SUGCT: variants seen among roughly 807,000 people sequenced by gnomAD.
SUGCT encodes succinyl-CoA:glutarate-CoA transferase.
SUGCT carries 41 observed loss-of-function variants against 55.0 expected under a neutral mutation model. That is an observed-to-expected ratio of 0.74 (90% CI 0.58 to 0.97). The LOEUF (loss-of-function observed/expected upper bound fraction) is 0.97, where lower values mean the gene tolerates loss of function less well. Ranked by LOEUF, SUGCT falls within the 50% of genes least tolerant of loss-of-function variation. SUGCT has a pLI of 0.00. For synonymous variants in SUGCT, 187 were observed against 200.4 expected (o/e 0.93, Z 0.56); for missense variants, 568 against 547.8 (o/e 1.04, Z -0.37).
intron 13 of SUGCT, among the ~76,000 whole-genome samples, chr7:40,786,993 A>AT (rs1790047301): frequency 6.6e-6 from 1 of 152,162 alleles, no homozygotes; most frequent in African/African-American, 2.4e-5. Flanking sequence ...TGTTTGATTC[A>AT]TTTTTTATTA....
intron 8 of SUGCT, among the ~76,000 whole-genome samples, chr7:40,277,718 AG>A (rs1309423919): frequency 3.1e-5 from 4 of 129,002 alleles, no homozygotes; most frequent in Non-Finnish European, 5.0e-5. Context: ...TTTAAGTTTT[AG>A]GGTACATGTG....
chr7:40,214,252 G>A (rs1272258162), intron 6 of SUGCT, among the ~76,000 whole-genome samples: 1 of 152,068 alleles, frequency 6.6e-6, no homozygotes, highest in Non-Finnish European at 1.5e-5. Context: ...ATTCAACAAT[G>A]AGCAAAACAA....
At chr7:40,607,426 C>T (rs1798582137) in intron 12 of SUGCT, among the ~76,000 whole-genome samples, 1 of 152,068 alleles carries the variant, frequency 6.6e-6, no homozygotes. Flanking sequence ...TACCTTGTGA[C>T]ATTGAAGACT....
the SUGCT span, among the ~76,000 whole-genome samples, chr7:41,005,862 G>A: frequency 6.6e-6 from 1 of 152,132 alleles, no homozygotes; most frequent in Non-Finnish European, 1.5e-5. Context: ...CCTCAACCTT[G>A]TGTAAGTACT....
In SUGCT at chr7:40,282,181, T is replaced by C. The variant is rs73318584; in HGVS notation, c.720+7525T>C. ...TGTGGCACCTTTGTCAAAGATCAAT[T>C]GACTGGCCAGGTGCAGTGGCTCATG... On this transcript the variant is annotated intron_variant, in intron 8 of 13. Transcript: ENST00000335693. 5.6e-3 allele frequency among the ~76,000 whole-genome samples: 850 copies of C among 152,060 alleles called. 7 individuals are homozygous for C. The highest frequency in any genetic ancestry group is 0.019 in the African/African-American group (796 of 41,508).
intron 12 of SUGCT, among the ~76,000 whole-genome samples, chr7:40,585,736 T>C (rs1797341983): frequency 6.6e-6 from 1 of 152,114 alleles, no homozygotes; most frequent in Non-Finnish European, 1.5e-5. Context: ...CTAGAGTGTA[T>C]TGGTGTGATT....
intron 9 of SUGCT, among the ~76,000 whole-genome samples, chr7:40,404,946 TATAGAATTAGC>T (rs1786279168): frequency 6.6e-6 from 1 of 152,208 alleles, no homozygotes; most frequent in Non-Finnish European, 1.5e-5. Context: ...CTGGTGTCTT[TATAGAATTAGC>T]TGGGCTTTAG....
chr7:40,746,705 T>G (rs1271378440), intron 12 of SUGCT, among the ~76,000 whole-genome samples: 1 of 152,228 alleles, frequency 6.6e-6, no homozygotes, highest in Non-Finnish European at 1.5e-5. Flanking sequence ...TGCTAGCTTT[T>G]GCTTCACAAA....
In SUGCT at chr7:40,211,608, T is replaced by C. The variant is rs145583690; in HGVS notation, c.484+16548T>C. On this transcript the variant is annotated intron_variant, in intron 6 of 13. Transcript: ENST00000335693. ...TATTACCACCTTGAGACCTGTAGTA[T>C]CTAAGACAACAAAAGCTAACGTGGA... Among the ~76,000 whole-genome samples, 612 of 152,320 alleles carry C rather than the reference T, an allele frequency of 4.0e-3. 6 individuals are homozygous for C. Among genetic ancestry groups the C allele is most frequent in the African/African-American group, 0.014 (593 of 41,562 alleles).
chr7:40,982,300 T>C, the SUGCT span, among the ~76,000 whole-genome samples: 48 of 152,352 alleles, frequency 3.2e-4, 1 homozygote, highest in African/African-American at 9.4e-4. Flanking sequence ...AATGCTGTAA[T>C]GCCAGGTGTC....
chr7:40,149,818 C>T (rs1788456406), intron 1 of SUGCT, among the ~76,000 whole-genome samples: 2 of 152,196 alleles, frequency 1.3e-5, no homozygotes. Flanking sequence ...GTTCAGGAGG[C>T]TGAGGCAGGA....
chr7:40,339,133 C>T (rs1350555138), intron 9 of SUGCT, among the ~76,000 whole-genome samples: 4 of 152,170 alleles, frequency 2.6e-5, no homozygotes, highest in Admixed American at 6.5e-5. Context: ...GGTACCCAGC[C>T]GTGTGAGGTG....
intron 12 of SUGCT, among the ~76,000 whole-genome samples, chr7:40,724,715 T>A (rs112281531): frequency 2.0e-5 from 3 of 149,712 alleles, no homozygotes; most frequent in African/African-American, 7.3e-5. Flanking sequence ...ATATATATTT[T>A]AAATATATGT....
At chr7:40,502,646 T>G (rs1195905677) in intron 12 of SUGCT, among the ~76,000 whole-genome samples, 3 of 152,144 alleles carry the variant, frequency 2.0e-5, no homozygotes, top group Non-Finnish European at 2.9e-5. Flanking sequence ...AAATCCATTG[T>G]GCATTTTATG....
intron 12 of SUGCT, among the ~76,000 whole-genome samples, chr7:40,682,730 C>G (rs780762846): frequency 2.6e-5 from 4 of 151,996 alleles, no homozygotes; most frequent in African/African-American, 9.7e-5. Flanking sequence ...CCTCCCCACC[C>G]CCCAAAAAAA....
intron 13 of SUGCT, among the ~76,000 whole-genome samples, chr7:40,854,449 T>TTTCTTTCTTTC (rs1794052551): frequency 6.8e-6 from 1 of 147,022 alleles, no homozygotes; most frequent in Non-Finnish European, 1.5e-5. Flanking sequence ...TCTTTCTTTC[T>TTTCTTTCTTTC]TTCTTTCTTT....
intron 12 of SUGCT, among the ~76,000 whole-genome samples, chr7:40,669,061 C>A (rs773184868): frequency 1.3e-5 from 2 of 152,132 alleles, no homozygotes; most frequent in Non-Finnish European, 2.9e-5. Context: ...TCTGTGATGT[C>A]GGTGCCACAT....
At chr7:40,642,093 G>A (rs1800295472) in intron 12 of SUGCT, among the ~76,000 whole-genome samples, 1 of 152,168 alleles carries the variant, frequency 6.6e-6, no homozygotes, top group Non-Finnish European at 1.5e-5. Flanking sequence ...TGTAAAGTAA[G>A]TTTGGTAATA....
rs192639331 is a variant in SUGCT, at chr7:40,150,075, G to A, written c.100+14955G>A. 5.5e-4 allele frequency among the ~76,000 whole-genome samples: 84 copies of A among 151,876 alleles called. 1 individual carries two copies. The highest frequency in any genetic ancestry group is 1.9e-3 in the African/African-American group (80 of 41,366). On this transcript the variant is annotated intron_variant, in intron 1 of 13. Transcript: ENST00000335693. ...GCCACTGCACTCCAACCTGGGAACA[G>A]AGTGAGACCCTGCCTCAAAAAAATA...
Sources: gnomAD v4.1 joint callset for allele counts (sites outside exome capture counted in the v4.1 genomes callset) on GRCh38, gnomAD v4.1.1 for gene constraint, MANE v1.5 for transcripts, NCBI Gene and HGNC (gene_info 2026-07-23, HGNC 2026-07-21) for gene names.